Variants in HAPLN3 observed in about 807,000 individuals in gnomAD.
HAPLN3 encodes the protein hyaluronan and proteoglycan link protein 3.
Under a neutral mutation model 28.1 loss-of-function variants are expected in HAPLN3, and 28 were observed. That is an observed-to-expected ratio of 1.00 (90% CI 0.74 to 1.37). HAPLN3 has a LOEUF of 1.37. Among genes scored for constraint, HAPLN3 ranks in the 40% most tolerant of loss-of-function variants. The probability of loss-of-function intolerance (pLI) is 0.00; values close to 1 mark genes in which losing one functional copy is unlikely to be tolerated. For synonymous variants in HAPLN3, 211 were observed against 213.1 expected, an observed-to-expected ratio of 0.99 and a Z score of 0.09; for missense variants, 513 against 504.6, an observed-to-expected ratio of 1.02 and a Z score of -0.16.
Position 88,877,707 on chromosome 15 carries a change from C to G in HAPLN3, c.*263G>C, listed in dbSNP as rs1253876157. On this transcript the variant is annotated 3_prime_UTR_variant, in exon 5 of 5. Coordinates refer to ENST00000359595, the MANE Select transcript of HAPLN3 (RefSeq NM_178232.4). This position sits in a 1 kb window ranked among gnomAD's most constrained non-coding sequence, Gnocchi z 5.1. ...ACCTCCTTAAGGGAGGGAGACCAGCCTGGATGGCGGGGAACCCTCCAGAAG... is the reference window on the plus strand; with the variant it reads ...ACCTCCTTAAGGGAGGGAGACCAGCGTGGATGGCGGGGAACCCTCCAGAAG... 1.1e-5 allele frequency: 5 copies of G among 441,758 alleles called. No individual in the cohort carries two copies. Among genetic ancestry groups the G allele is most frequent in the Non-Finnish European group, 1.6e-5 (4 of 249,794 alleles). The allele number at this position is 441,758 out of a possible 1,614,324, so 27.4% of individuals were successfully genotyped here.
At chr15:88,893,122 A>C (rs1163204994) in intron 1 of HAPLN3, 1 of 764,776 alleles carries the variant, frequency 1.3e-6, no homozygotes, top group African/African-American at 1.7e-5. Flanking sequence ...TCTGTAAAAA[A>C]AAGGAACTTA....
chr15:88,880,138 C>A lies in HAPLN3; in HGVS notation c.494-869G>T. ...CCCATGGGCCCTGACAGTCAGCTTGCAGCCTCTACGTGTGTTTGCAGGGGG... is the reference window on the plus strand; with the variant it reads ...CCCATGGGCCCTGACAGTCAGCTTGAAGCCTCTACGTGTGTTTGCAGGGGG... On this transcript the variant is annotated intron_variant, in intron 3 of 4. Coordinates refer to ENST00000359595, the MANE Select transcript of HAPLN3 (RefSeq NM_178232.4). This position sits in a 1 kb window ranked among gnomAD's most constrained non-coding sequence, Gnocchi z 6.0. 1.0e-6 allele frequency: 1 copy of A among 992,462 alleles called. No homozygotes were observed. 61.5% of individuals were successfully genotyped at this position (992,462 alleles called of 1,614,324 possible).
intron 4 of HAPLN3, 45 bp downstream of exon 4, chr15:88,878,922 G>C: frequency 6.5e-7 from 1 of 1,540,738 alleles, no homozygotes. Context: ...ACAGGTCCCA[G>C]GTGGCCACCA....
chr15:88,880,826 C>T lies in HAPLN3; in HGVS notation c.493+531G>A, dbSNP rs1897676797. On this transcript the variant is annotated intron_variant, in intron 3 of 4. Coordinates refer to ENST00000359595, the MANE Select transcript of HAPLN3 (RefSeq NM_178232.4). This position sits in a 1 kb window ranked among gnomAD's most constrained non-coding sequence, Gnocchi z 6.0. ...ACATAAAAATATAAGCTTATCTTGT[C>T]AAGCCAGAAAATTTGGCAGTGGGGT... 6.6e-6 allele frequency among the ~76,000 whole-genome samples: 1 copy of T among 152,090 alleles called. No homozygotes were observed. Among genetic ancestry groups the T allele is most frequent in the Non-Finnish European group, 1.5e-5 (1 of 68,020 alleles).
intron 1 of HAPLN3, among the ~76,000 whole-genome samples, chr15:88,889,246 C>A (rs1398244814): frequency 6.6e-6 from 1 of 152,198 alleles, no homozygotes; most frequent in Non-Finnish European, 1.5e-5. Context: ...CTGCTTCCTG[C>A]CAAGACCCTG....
chr15:88,889,764 G>A (rs563681258), intron 1 of HAPLN3, among the ~76,000 whole-genome samples: 1 of 152,352 alleles, frequency 6.6e-6, no homozygotes, highest in African/African-American at 2.4e-5. Flanking sequence ...AGCAAGACCA[G>A]AATGACAGCA....
intron 2 of HAPLN3, 95 bp downstream of exon 2, chr15:88,887,080 C>T: frequency 7.2e-7 from 1 of 1,382,728 alleles, no homozygotes; most frequent in East Asian, 2.3e-5. Context: ...GGGCTGCTGT[C>T]CCTGTCCCAG....
chr15:88,881,721 G>A lies in HAPLN3; in HGVS notation c.129C>T (p.Leu43=), dbSNP rs1198577484. Residue 43 remains leucine (L), a synonymous_variant, in exon 3 of 5, where the codon CTC becomes CTT. Transcript: ENST00000359595. The surrounding 1 kb of genome is among the most constrained non-coding windows in gnomAD (Gnocchi z 6.0). ...CCACCACCAGCTTCACTCCATTAAG[G>A]AGGTCTTGGGGGAGAGACAGGGTGC... ...QNLGNGHGKD[L]LNGVKLVVET... 1.9e-6 allele frequency: 3 copies of A among 1,608,488 alleles called. No individual in the cohort carries two copies. Among genetic ancestry groups the A allele is most frequent in the African/African-American group, 1.3e-5 (1 of 74,846 alleles).
chr15:88,883,237 C>A (rs991759582), intron 2 of HAPLN3, among the ~76,000 whole-genome samples: 5 of 152,226 alleles, frequency 3.3e-5, no homozygotes, highest in African/African-American at 7.2e-5. Context: ...GGTCCCAGTG[C>A]CTCAGAGACT....
Position 88,880,063 on chromosome 15 carries a change from A to G in HAPLN3, c.494-794T>C, listed in dbSNP as rs1168505091. 3.0e-6 allele frequency: 3 copies of G among 994,218 alleles called. No homozygotes were observed. In the East Asian group the frequency reaches 3.3e-4, roughly 109 times the overall value. The allele number at this position is 994,218 out of a possible 1,614,324, so 61.6% of individuals were successfully genotyped here. The stretch of plus-strand genomic sequence containing the variant: ...TGAGCCCCAAACCTCCGATCTCACC[A>G]GGGCCGGAAGCCAGGCACCTGGGCA... On this transcript the variant is annotated intron_variant, in intron 3 of 4. Transcript: ENST00000359595. This position sits in a 1 kb window ranked among gnomAD's most constrained non-coding sequence, Gnocchi z 6.0.
chr15:88,881,689 G>C lies in HAPLN3; in HGVS notation c.161C>G (p.Pro54Arg). ...LNGVKLVVET[P>R]EETLFTYQGA... ...TTGGTAGGTGAACAGGGTCTCCTCG[G>C]GTGTCTCCACCACCAGCTTCACTCC... The change falls in exon 3 of 5, where the codon CCC becomes CGC. Residue 54 changes from proline (P) to arginine (R), a missense_variant. Physicochemically the swap from Pro to Arg is moderately radical, Grantham distance 103 (BLOSUM62 -2). Coordinates refer to ENST00000359595, the MANE Select transcript of HAPLN3 (RefSeq NM_178232.4). The surrounding 1 kb of genome is among the most constrained non-coding windows in gnomAD (Gnocchi z 6.0). The C allele has an allele frequency of 6.2e-7, 1 of 1,613,520 alleles. No homozygotes were observed. Among genetic ancestry groups the C allele is most frequent in the East Asian group, 2.2e-5 (1 of 44,880 alleles).
At position 88,878,151 on chromosome 15, in the gene HAPLN3, G is replaced by T; in HGVS notation, c.902C>A (p.Ala301Asp). ...ATIAKVGQLF[A>D]AWKFHGLDRC... is the part of the protein sequence containing the mutation. Reference sequence around the variant, plus strand: ...GTCCAGGCCATGGAACTTCCAGGCGGCAAAGAGCTGTCCCACCTTGGCGAT... The same window carrying T: ...GTCCAGGCCATGGAACTTCCAGGCGTCAAAGAGCTGTCCCACCTTGGCGAT... Residue 301 changes from alanine to aspartate, a missense_variant, in exon 5 of 5, where the codon GCC becomes GAC. Transcript: ENST00000359595. 4 of 1,614,152 alleles carry T rather than the reference G, an allele frequency of 2.5e-6. No individual in the cohort carries two copies. Among genetic ancestry groups the T allele is most frequent in the Non-Finnish European group, 2.5e-6 (3 of 1,180,014 alleles).
chr15:88,881,716 T>C lies in HAPLN3; in HGVS notation c.134A>G (p.Asn45Ser). 3 of 1,610,062 alleles carry C rather than the reference T, an allele frequency of 1.9e-6. No homozygotes were observed. Among genetic ancestry groups the C allele is most frequent in the Middle Eastern group, 1.7e-4 (1 of 5,942 alleles). The change falls in exon 3 of 5, where the codon AAT (asparagine) becomes AGT (serine). Residue 45 changes from asparagine to serine, a missense_variant. Transcript: ENST00000359595. This position sits in a 1 kb window ranked among gnomAD's most constrained non-coding sequence, Gnocchi z 6.0. ...LGNGHGKDLLNGVKLVVETPE... is the reference protein window; with the variant it reads ...LGNGHGKDLLSGVKLVVETPE... Reference sequence around the variant, plus strand: ...TGTCTCCACCACCAGCTTCACTCCATTAAGGAGGTCTTGGGGGAGAGACAG... The same window carrying C: ...TGTCTCCACCACCAGCTTCACTCCACTAAGGAGGTCTTGGGGGAGAGACAG...
chr15:88,892,408 G>C (rs1369597067), intron 1 of HAPLN3, among the ~76,000 whole-genome samples: 8 of 151,374 alleles, frequency 5.3e-5, no homozygotes, highest in Admixed American at 2.6e-4. Context: ...AGTGAGCCGA[G>C]ATCACACCTT....
In HAPLN3 at chr15:88,887,250, C is replaced by T. The variant is rs201194253; in HGVS notation, c.49G>A (p.Gly17Arg). ...VPLLLLPGSY[G>R]LPFYNGFYYS... ...TAGAAGCCGTTGTAGAAGGGCAGTC[C>T]GTAGGAGCCGGGCAGCAGGAGCAAC... Residue 17 changes from glycine (G) to arginine (R), a missense_variant, in exon 2 of 5, where the codon GGA (glycine) becomes AGA (arginine). Transcript: ENST00000359595. 18 of 1,614,104 alleles carry T rather than the reference C, an allele frequency of 1.1e-5. No individual in the cohort carries two copies. The East Asian group carries it at 3.1e-4, about 28-fold the overall frequency.
At chr15:88,885,155 G>A (rs1897814551) in intron 2 of HAPLN3, among the ~76,000 whole-genome samples, 1 of 152,268 alleles carries the variant, frequency 6.6e-6, no homozygotes, top group African/African-American at 2.4e-5. Flanking sequence ...GAAACACCCA[G>A]CACTGCACTT....
rs761030223 is a variant in HAPLN3, at chr15:88,879,078, G to C, written c.685C>G (p.Pro229Ala). ...DATVQYPIML[P>A]RQPCGGPGLA... The stretch of plus-strand genomic sequence containing the variant: ...CCCGGGCCACCGCAGGGCTGCCGGG[G>C]CAACATGATGGGGTACTGCACCGTG... The change falls in exon 4 of 5, where the codon CCC becomes GCC. Residue 229 changes from proline (P) to alanine (A), a missense_variant. Physicochemically the swap from Pro to Ala is conservative, Grantham distance 27. Coordinates refer to ENST00000359595, the MANE Select transcript of HAPLN3 (RefSeq NM_178232.4). The surrounding 1 kb of genome is among the most constrained non-coding windows in gnomAD (Gnocchi z 5.0). 2.5e-6 allele frequency: 4 copies of C among 1,609,136 alleles called. No individual in the cohort carries two copies. Among genetic ancestry groups the C allele is most frequent in the Non-Finnish European group, 3.4e-6 (4 of 1,177,888 alleles).
chr15:88,893,442 A>G (rs1898068516), intron 1 of HAPLN3, among the ~76,000 whole-genome samples: 1 of 151,516 alleles, frequency 6.6e-6, no homozygotes. Flanking sequence ...GGCTGTGGTG[A>G]CAATTATAGA....
At position 88,879,525 on chromosome 15, in the gene HAPLN3, T is replaced by C; in HGVS notation, c.494-256A>G. On this transcript the variant is annotated intron_variant, in intron 3 of 4. Transcript: ENST00000359595. This position sits in a 1 kb window ranked among gnomAD's most constrained non-coding sequence, Gnocchi z 5.0. ...ATTAGTCCATTAATGTCCCCAACAA[T>C]GTCCCCAACCTAATCCGCAAGGCTG... The C allele has an allele frequency of 1.4e-6, 2 of 1,477,728 alleles. No individual in the cohort carries two copies. The highest frequency in any genetic ancestry group is 2.0e-5 in the Admixed American group (1 of 49,090). 91.5% of individuals were successfully genotyped at this position (1,477,728 alleles called of 1,614,324 possible).
Sources: gnomAD v4.1 joint callset for allele counts (sites outside exome capture counted in the v4.1 genomes callset) on GRCh38, gnomAD v4.1.1 for gene constraint, Gnocchi (gnomAD v3.1) non-coding constraint, MANE v1.5 for transcripts, NCBI Gene and HGNC (gene_info 2026-07-23, HGNC 2026-07-21) for gene names.